The following OPCML variants were observed in gnomAD, a reference collection of about 807,000 sequenced individuals.
OPCML encodes the protein opioid binding protein/cell adhesion molecule like, also known as opioid-binding protein/cell adhesion molecule.
In OPCML, 13 loss-of-function variants were observed where a neutral mutation model predicts 37.8. That is an observed-to-expected ratio of 0.34 (90% confidence interval 0.22 to 0.55). OPCML has a LOEUF of 0.55. Ranked by LOEUF, OPCML falls within the 20% of genes least tolerant of loss-of-function variation. The pLI, the probability that OPCML is intolerant of heterozygous loss-of-function variation, is 0.91. For synonymous variants in OPCML, 176 were observed against 168.8 expected, an observed-to-expected ratio of 1.04 and a Z score of -0.33; for missense variants, 341 against 435.6, an observed-to-expected ratio of 0.78 and a Z score of 1.93.
chr11:133,291,971 A>G (rs1214461772), intron 1 of OPCML, among the ~76,000 whole-genome samples: 4 of 152,350 alleles, frequency 2.6e-5, no homozygotes, highest in Middle Eastern at 3.4e-3. Context: ...ATTACACAAG[A>G]GAATGGCCTT....
chr11:132,794,902 A>G (rs1217551151), intron 2 of OPCML, among the ~76,000 whole-genome samples: 251 of 39,984 alleles, frequency 6.3e-3, no homozygotes, highest in Admixed American at 0.018. Context: ...TCATGAGTAA[A>G]AAAAAAAAAA....
At chr11:132,493,675 G>A (rs2096222930) in intron 4 of OPCML, among the ~76,000 whole-genome samples, 1 of 152,200 alleles carries the variant, frequency 6.6e-6, no homozygotes, top group Non-Finnish European at 1.5e-5. Flanking sequence ...GCATCCCAGT[G>A]GGAGAGAACT....
At chr11:133,291,569 T>C (rs1013820218) in intron 1 of OPCML, among the ~76,000 whole-genome samples, 1 of 152,232 alleles carries the variant, frequency 6.6e-6, no homozygotes, top group Non-Finnish European at 1.5e-5. Flanking sequence ...GCGCACTGCA[T>C]GCTCTGTTCA....
At chr11:133,357,259 G>T (rs757947246) in intron 1 of OPCML, among the ~76,000 whole-genome samples, 5 of 152,122 alleles carry the variant, frequency 3.3e-5, no homozygotes, top group Non-Finnish European at 5.9e-5. Flanking sequence ...CTTTGACCAG[G>T]GTTCAAACCT....
At chr11:133,166,935 C>A (rs562555530) in intron 1 of OPCML, among the ~76,000 whole-genome samples, 10 of 152,270 alleles carry the variant, frequency 6.6e-5, no homozygotes, top group Admixed American at 2.0e-4. Context: ...TGATTAATGG[C>A]AAATAGGCTT....
chr11:133,385,452 G>T (rs959476962), intron 1 of OPCML, among the ~76,000 whole-genome samples: 2 of 152,178 alleles, frequency 1.3e-5, no homozygotes, highest in Admixed American at 6.5e-5. Flanking sequence ...GAAGGCAAAG[G>T]CTTGGTCGTC....
chr11:132,912,043 T>C (rs904496281), intron 2 of OPCML, among the ~76,000 whole-genome samples: 1 of 152,144 alleles, frequency 6.6e-6, no homozygotes, highest in African/African-American at 2.4e-5. Context: ...TTCTGGGTAT[T>C]AAGCTCTGGG....
At chr11:132,938,983 C>A (rs1396236846) in intron 2 of OPCML, among the ~76,000 whole-genome samples, 1 of 152,198 alleles carries the variant, frequency 6.6e-6, no homozygotes, top group Non-Finnish European at 1.5e-5. Flanking sequence ...TCCCAGATAA[C>A]TCCAACCAGG....
intron 1 of OPCML, among the ~76,000 whole-genome samples, chr11:133,099,442 C>CTTTTTTTTTTTTT (rs35161811): frequency 4.2e-5 from 5 of 119,480 alleles, no homozygotes; most frequent in Admixed American, 8.8e-5. Flanking sequence ...TTCTTTTTTT[C>CTTTTTTTTTTTTT]TTTTTTTTTT....
intron 1 of OPCML, among the ~76,000 whole-genome samples, chr11:133,522,539 T>C (rs755416611): frequency 9.2e-5 from 14 of 152,172 alleles, no homozygotes; most frequent in Non-Finnish European, 1.9e-4. Context: ...TGGAGCTACC[T>C]TGTTCCACAA....
chr11:133,239,715 A>G (rs911402564), intron 1 of OPCML, among the ~76,000 whole-genome samples: 3 of 152,312 alleles, frequency 2.0e-5, no homozygotes, highest in Non-Finnish European at 2.9e-5. Flanking sequence ...GCCACCAGGA[A>G]GTCAGGCAGT....
intron 1 of OPCML, among the ~76,000 whole-genome samples, chr11:133,235,795 G>A (rs1046475748): frequency 1.3e-5 from 2 of 152,176 alleles, no homozygotes; most frequent in African/African-American, 4.8e-5. Context: ...ACAACAAATG[G>A]GTGGGGAGTC....
chr11:132,490,956 C>A (rs776381749), intron 4 of OPCML, among the ~76,000 whole-genome samples: 1 of 152,166 alleles, frequency 6.6e-6, no homozygotes, highest in Non-Finnish European at 1.5e-5. Context: ...ATAAAAGTCA[C>A]TACATGTGCA....
intron 1 of OPCML, among the ~76,000 whole-genome samples, chr11:133,143,508 T>A (rs143961389): frequency 6.6e-6 from 1 of 152,132 alleles, no homozygotes; most frequent in Admixed American, 6.5e-5. Flanking sequence ...ACCCACATAG[T>A]ATTGTGACAT....
At chr11:133,097,358 T>C (rs1254834561) in intron 1 of OPCML, among the ~76,000 whole-genome samples, 1 of 152,012 alleles carries the variant, frequency 6.6e-6, no homozygotes, top group Non-Finnish European at 1.5e-5. Flanking sequence ...TAAACGAAAA[T>C]GGAACTTATC....
chr11:132,688,417 T>C (rs901052316), intron 2 of OPCML, among the ~76,000 whole-genome samples: 1 of 152,146 alleles, frequency 6.6e-6, no homozygotes, highest in African/African-American at 2.4e-5. Context: ...GAGTGTGACC[T>C]TGGGAAATCA....
chr11:132,436,791 A>C lies in OPCML; in HGVS notation c.644-12T>G. The C allele has an allele frequency of 6.2e-7, 1 of 1,606,710 alleles. No homozygotes were observed. The highest frequency in any genetic ancestry group is 8.5e-7 in the Non-Finnish European group (1 of 1,174,770). ...GATATAGGGAGGATCTGTGGGAAACACACACACACACATGCACAGGCATGC... is the reference window on the plus strand; with the variant it reads ...GATATAGGGAGGATCTGTGGGAAACCCACACACACACATGCACAGGCATGC... On this transcript the variant is annotated splice_polypyrimidine_tract_variant and intron_variant, in intron 5 of 7. Coordinates refer to ENST00000524381, the MANE Select transcript of OPCML (RefSeq NM_001012393.5).
At chr11:132,488,449 TA>T (rs1438708755) in intron 4 of OPCML, among the ~76,000 whole-genome samples, 1 of 152,126 alleles carries the variant, frequency 6.6e-6, no homozygotes, top group East Asian at 1.9e-4. Flanking sequence ...GCTCCTAGGG[TA>T]CAAATCTGTA....
intron 1 of OPCML, among the ~76,000 whole-genome samples, chr11:133,400,837 T>C (rs573812106): frequency 6.6e-6 from 1 of 152,122 alleles, no homozygotes; most frequent in Non-Finnish European, 1.5e-5. Flanking sequence ...CCTAAGGTAG[T>C]AGGTTCCTGA....
Sources: allele counts gnomAD v4.1 joint callset (sites outside exome capture counted in the v4.1 genomes callset), GRCh38; gene constraint gnomAD v4.1.1; transcripts MANE v1.5; gene names NCBI Gene and HGNC (gene_info 2026-07-23, HGNC 2026-07-21).